PTPRD: variants seen among roughly 807,000 people sequenced by gnomAD.
The protein encoded by PTPRD is receptor-type tyrosine-protein phosphatase delta.
A neutral mutation model predicts 214.5 loss-of-function variants in PTPRD; 34 were observed. The observed-to-expected ratio is 0.16, with a 90% CI of 0.12 to 0.21. PTPRD has a LOEUF of 0.21. Ranked by LOEUF, PTPRD falls within the 10% of genes least tolerant of loss-of-function variation. PTPRD has a pLI of 1.00. For synonymous variants in PTPRD, 1,128 were observed against 845.7 expected (o/e 1.33, Z -5.79); for missense variants, 2,545 against 2,398.7 (o/e 1.06, Z -1.27).
intron 8 of PTPRD, among the ~76,000 whole-genome samples, chr9:9,528,672 C>A (rs568673066): frequency 6.6e-6 from 1 of 151,980 alleles, no homozygotes; most frequent in African/African-American, 2.4e-5. Context: ...TGTAATGGAA[C>A]TACTGAAGGT....
chr9:10,439,379 C>G (rs1304885504), intron 2 of PTPRD, among the ~76,000 whole-genome samples: 1 of 151,708 alleles, frequency 6.6e-6, no homozygotes, highest in East Asian at 1.9e-4. Flanking sequence ...AAACAAAACC[C>G]TACATCTGGA....
At chr9:10,387,318 T>C (rs1565706872) in intron 2 of PTPRD, among the ~76,000 whole-genome samples, 2 of 151,890 alleles carry the variant, frequency 1.3e-5, no homozygotes, top group Non-Finnish European at 2.9e-5. Flanking sequence ...TGTTTTTTCT[T>C]TATGTTTTCT....
At chr9:8,353,886 A>ATATATGTATATATGTG (rs2076251486) in intron 39 of PTPRD, among the ~76,000 whole-genome samples, 1 of 143,274 alleles carries the variant, frequency 7.0e-6, no homozygotes, top group African/African-American at 2.6e-5. Flanking sequence ...ATATATGTGT[A>ATATATGTATATATGTG]TATATGTATA....
At chr9:9,853,850 C>T (rs1161595860) in intron 5 of PTPRD, among the ~76,000 whole-genome samples, 2 of 152,210 alleles carry the variant, frequency 1.3e-5, no homozygotes, top group African/African-American at 4.8e-5. Flanking sequence ...GCCACCACGC[C>T]AGCCCAGTTA....
intron 7 of PTPRD, among the ~76,000 whole-genome samples, chr9:9,694,598 G>C (rs2097336284): frequency 6.6e-6 from 1 of 151,982 alleles, no homozygotes; most frequent in Non-Finnish European, 1.5e-5. Flanking sequence ...CCGGAAGCCA[G>C]GGATTAAAGT....
At chr9:9,270,687 A>G (rs1942501307) in intron 9 of PTPRD, among the ~76,000 whole-genome samples, 1 of 151,414 alleles carries the variant, frequency 6.6e-6, no homozygotes, top group Non-Finnish European at 1.5e-5. Flanking sequence ...TTATAGAAAG[A>G]TTTCATTGGC....
intron 8 of PTPRD, among the ~76,000 whole-genome samples, chr9:9,440,819 G>C (rs967309616): frequency 1.3e-5 from 2 of 152,182 alleles, no homozygotes; most frequent in African/African-American, 2.4e-5. Context: ...GCAAGACCAA[G>C]GTATAATGAT....
intron 9 of PTPRD, among the ~76,000 whole-genome samples, chr9:9,349,384 A>G (rs947932880): frequency 2.6e-5 from 4 of 152,072 alleles, no homozygotes; most frequent in African/African-American, 4.8e-5. Context: ...CCATAAACTG[A>G]TATTTTGTCT....
chr9:10,352,261 T>C (rs2097195994), intron 2 of PTPRD, among the ~76,000 whole-genome samples: 1 of 152,076 alleles, frequency 6.6e-6, no homozygotes, highest in Admixed American at 6.6e-5. Context: ...TATCAATGGA[T>C]TATTTTAATT....
At chr9:9,303,682 G>A (rs779824126) in intron 9 of PTPRD, among the ~76,000 whole-genome samples, 1 of 152,054 alleles carries the variant, frequency 6.6e-6, no homozygotes, top group African/African-American at 2.4e-5. Context: ...AAACACAAAA[G>A]TGGAAATTTG....
chr9:8,342,733 G>A (rs1423666314), intron 39 of PTPRD, among the ~76,000 whole-genome samples: 1 of 152,036 alleles, frequency 6.6e-6, no homozygotes, highest in African/African-American at 2.4e-5. Flanking sequence ...AATAAACAAT[G>A]AAGTACTCTG....
intron 11 of PTPRD, among the ~76,000 whole-genome samples, chr9:8,886,911 A>G (rs1029866045): frequency 6.6e-6 from 1 of 152,356 alleles, no homozygotes; most frequent in African/African-American, 2.4e-5. Context: ...TGTTCGGTTC[A>G]TGGTAGATAC....
chr9:9,353,377 T>C (rs1307966592), intron 9 of PTPRD, among the ~76,000 whole-genome samples: 1 of 151,920 alleles, frequency 6.6e-6, no homozygotes, highest in Non-Finnish European at 1.5e-5. Context: ...CAGGAATAAA[T>C]CTTAGAGTTA....
chr9:8,802,401 A>C (rs1276390604), intron 11 of PTPRD, among the ~76,000 whole-genome samples: 2 of 152,168 alleles, frequency 1.3e-5, no homozygotes, highest in Admixed American at 1.3e-4. Context: ...CCACACCTAA[A>C]GGCCCTCAAA....
intron 14 of PTPRD, among the ~76,000 whole-genome samples, chr9:8,558,443 T>C (rs1055221867): frequency 6.6e-6 from 1 of 152,136 alleles, no homozygotes; most frequent in African/African-American, 2.4e-5. Context: ...CACAGAGCCA[T>C]GCCACGTGCC....
At chr9:10,381,775 A>G (rs1032493151) in intron 2 of PTPRD, among the ~76,000 whole-genome samples, 1 of 151,942 alleles carries the variant, frequency 6.6e-6, no homozygotes, top group Non-Finnish European at 1.5e-5. Context: ...ACTAGTGTGG[A>G]GGAAAATAAT....
chr9:8,856,368 C>T (rs1474567947), intron 11 of PTPRD, among the ~76,000 whole-genome samples: 1 of 151,988 alleles, frequency 6.6e-6, no homozygotes, highest in Non-Finnish European at 1.5e-5. Flanking sequence ...CCCAGAGATG[C>T]GCTACAGGAT....
intron 12 of PTPRD, among the ~76,000 whole-genome samples, chr9:8,662,240 A>G (rs78783337): frequency 0.027 from 4,075 of 152,286 alleles, 155 homozygotes; most frequent in African/African-American, 0.092. Flanking sequence ...CAAACTCTCA[A>G]AAGGAAGATC....
chr9:9,776,403 G>T (rs961530211), intron 5 of PTPRD, among the ~76,000 whole-genome samples: 6 of 151,918 alleles, frequency 3.9e-5, no homozygotes, highest in African/African-American at 1.5e-4. Flanking sequence ...TTGCTTTACT[G>T]ATCTGTATCT....
Sources: allele counts gnomAD v4.1 joint callset (sites outside exome capture counted in the v4.1 genomes callset), GRCh38; gene constraint gnomAD v4.1.1; transcripts MANE v1.5; gene names NCBI Gene and HGNC (gene_info 2026-07-23, HGNC 2026-07-21).